Variants in CPEB3 observed in about 807,000 individuals in gnomAD.
CPEB3 encodes the protein cytoplasmic polyadenylation element binding protein 3.
CPEB3 carries 20 observed loss-of-function variants against 67.2 expected under a neutral mutation model. The observed-to-expected ratio is 0.30, with a 90% confidence interval of 0.21 to 0.43. The LOEUF (loss-of-function observed/expected upper bound fraction) is 0.43. CPEB3 is among the 20% of genes least tolerant of loss of function. CPEB3 has a pLI of 1.00. For synonymous variants in CPEB3, 376 were observed against 393.1 expected, an observed-to-expected ratio of 0.96 and a Z score of 0.51; for missense variants, 746 against 968.6, an observed-to-expected ratio of 0.77 and a Z score of 3.05.
chr10:92,140,900 T>C (rs1250291706), intron 6 of CPEB3, among the ~76,000 whole-genome samples: 1 of 52,016 alleles, frequency 1.9e-5, no homozygotes, highest in Non-Finnish European at 3.9e-5. Context: ...TCACTGGCCA[T>C]CAGAGAAATG....
At chr10:92,215,758 T>G (rs1850342958) in intron 2 of CPEB3, among the ~76,000 whole-genome samples, 1 of 141,468 alleles carries the variant, frequency 7.1e-6, no homozygotes, top group Non-Finnish European at 1.5e-5. Context: ...TTTTTTTTTT[T>G]CTTTTTTTTG....
chr10:92,115,061 G>A (rs2133535572), intron 6 of CPEB3, among the ~76,000 whole-genome samples: 1 of 152,366 alleles, frequency 6.6e-6, no homozygotes, highest in Non-Finnish European at 1.5e-5. Context: ...CGCGGGCGCG[G>A]GGGACGTCAG....
At chr10:92,087,584 T>C (rs771696599) in intron 8 of CPEB3, among the ~76,000 whole-genome samples, 2 of 152,164 alleles carry the variant, frequency 1.3e-5, no homozygotes. Flanking sequence ...GGGGCAGTCC[T>C]CCCATCAGAT....
At chr10:92,160,968 C>T (rs1416552929) in intron 4 of CPEB3, among the ~76,000 whole-genome samples, 2 of 152,178 alleles carry the variant, frequency 1.3e-5, no homozygotes, top group African/African-American at 4.8e-5. Context: ...CTGCTCACCG[C>T]AACCTCTGCC....
chr10:92,191,538 G>A (rs969889225), intron 3 of CPEB3, among the ~76,000 whole-genome samples: 2 of 152,064 alleles, frequency 1.3e-5, no homozygotes, highest in Admixed American at 1.3e-4. Context: ...AATGATGAAA[G>A]AGATTTCTGG....
chr10:92,055,408 G>C (rs908274425), intron 9 of CPEB3, among the ~76,000 whole-genome samples: 4 of 152,128 alleles, frequency 2.6e-5, no homozygotes, highest in African/African-American at 9.7e-5. Flanking sequence ...CAGAAACCAG[G>C]CACTTCTCCT....
chr10:92,121,989 G>A, intron 6 of CPEB3, among the ~76,000 whole-genome samples: 1 of 152,186 alleles, frequency 6.6e-6, no homozygotes, highest in East Asian at 1.9e-4. Flanking sequence ...TGCCTCAGGA[G>A]ACTTTTTTTG....
chr10:92,100,272 TTTTG>T (rs565301299), intron 7 of CPEB3, among the ~76,000 whole-genome samples: 249 of 152,266 alleles, frequency 1.6e-3, no homozygotes, highest in Non-Finnish European at 2.1e-3. Context: ...ATAGGTTTTT[TTTTG>T]TTTGTTTGTT....
intron 2 of CPEB3, among the ~76,000 whole-genome samples, chr10:92,224,595 A>T (rs376263454): frequency 6.6e-6 from 1 of 151,948 alleles, no homozygotes; most frequent in Non-Finnish European, 1.5e-5. Flanking sequence ...CTGGCTGAGC[A>T]TGGTGTCTCA....
intron 8 of CPEB3, among the ~76,000 whole-genome samples, chr10:92,085,168 G>A (rs749981339): frequency 3.3e-5 from 5 of 152,184 alleles, no homozygotes; most frequent in African/African-American, 7.2e-5. Flanking sequence ...GCATAGAGGC[G>A]AAGGAATCCA....
intron 1 of CPEB3, among the ~76,000 whole-genome samples, chr10:92,255,185 T>C (rs539961734): frequency 6.6e-6 from 1 of 152,320 alleles, no homozygotes; most frequent in African/African-American, 2.4e-5. Flanking sequence ...TAATCCCTCC[T>C]TCTGTGGTCT....
rs1388552100 is a variant in CPEB3, at chr10:92,151,640, T to C, written c.1223-6555A>G. Among the ~76,000 whole-genome samples, 3 of 152,250 alleles carry C rather than the reference T, an allele frequency of 2.0e-5. No homozygotes were observed. The East Asian group carries it at 5.8e-4, about 29-fold the overall frequency. ...TATTTCTTAGGCATCACAAACTTAA[T>C]GTGTTTACAAGTGAACTTTTGATAT... On this transcript the variant is annotated intron_variant, in intron 4 of 9. Coordinates refer to ENST00000265997, the MANE Select transcript of CPEB3 (RefSeq NM_014912.5).
intron 9 of CPEB3, among the ~76,000 whole-genome samples, chr10:92,067,743 G>GGGAGGC (rs1465041314): frequency 2.0e-5 from 3 of 152,132 alleles, no homozygotes; most frequent in Non-Finnish European, 4.4e-5. Context: ...GCTTGAACCT[G>GGGAGGC]GGAGGCGGAG....
At chr10:92,162,844 G>A (rs535261027) in intron 4 of CPEB3, among the ~76,000 whole-genome samples, 3 of 152,236 alleles carry the variant, frequency 2.0e-5, no homozygotes, top group South Asian at 4.1e-4. Context: ...TCTGCTGTTT[G>A]TTTTTTAGAG....
At chr10:92,243,179 C>G (rs555564054) in intron 1 of CPEB3, 2 of 152,138 alleles carry the variant, frequency 1.3e-5, no homozygotes, top group African/African-American at 4.8e-5. Context: ...CTTTGAGTGT[C>G]CAGTTTTTAA....
At chr10:92,126,131 T>C (rs1358520743) in intron 6 of CPEB3, among the ~76,000 whole-genome samples, 2 of 152,160 alleles carry the variant, frequency 1.3e-5, no homozygotes, top group African/African-American at 4.8e-5. Flanking sequence ...AAATTCCCTC[T>C]CTCTGGAATT....
At chr10:92,053,603 ACG>A (rs1564741588) in intron 9 of CPEB3, among the ~76,000 whole-genome samples, 1 of 138,778 alleles carries the variant, frequency 7.2e-6, no homozygotes, top group Non-Finnish European at 1.5e-5. Flanking sequence ...GTGCAGTGGC[ACG>A]ATCTCGGCTC....
rs952550116 is a variant in CPEB3, at chr10:92,062,210, A to G, written c.1870-9771T>C. Among the ~76,000 whole-genome samples, 12 of 140,132 alleles carry G rather than the reference A, an allele frequency of 8.6e-5. No homozygotes were observed. The Middle Eastern group carries it at 0.02, about 235-fold the overall frequency. The allele number at this position is 140,132 out of a possible 152,430, so 91.9% of individuals were successfully genotyped here. On this transcript the variant is annotated intron_variant, in intron 9 of 9. Coordinates refer to ENST00000265997, the MANE Select transcript of CPEB3 (RefSeq NM_014912.5). ...CAGTGAGCTGAGATCACACCACTGC[A>G]CTCCAGCCTGAGCAACAGAGTGAGA...
intron 1 of CPEB3, among the ~76,000 whole-genome samples, chr10:92,277,454 T>A (rs909729575): frequency 3.3e-5 from 5 of 152,210 alleles, no homozygotes. Context: ...ACTATAAAAG[T>A]AAGGGCTTAT....
Sources: gnomAD v4.1 joint callset for allele counts (sites outside exome capture counted in the v4.1 genomes callset) on GRCh38, gnomAD v4.1.1 for gene constraint, MANE v1.5 for transcripts, NCBI Gene and HGNC (gene_info 2026-07-23, HGNC 2026-07-21) for gene names.